The following PPIG variants were observed in gnomAD, a reference collection of about 807,000 sequenced individuals.
The protein encoded by PPIG is peptidyl-prolyl cis-trans isomerase G.
A neutral mutation model predicts 87.9 loss-of-function variants in PPIG; 26 were observed. That is an observed-to-expected ratio of 0.30 (90% CI 0.22 to 0.41). PPIG has a LOEUF of 0.41. Ranked by LOEUF, PPIG falls within the 10% of genes least tolerant of loss-of-function variation. PPIG has a pLI of 1.00. For missense variants in PPIG, 722 were observed against 879.4 expected (o/e 0.82, Z 2.26); for synonymous variants, 308 against 276.5 (o/e 1.11, Z -1.13).
intron 7 of PPIG, among the ~76,000 whole-genome samples, chr2:169,609,176 C>T (rs1246469598): frequency 1.3e-5 from 2 of 151,454 alleles, no homozygotes; most frequent in Admixed American, 6.6e-5. Flanking sequence ...CTATGAGGGA[C>T]GGAATTGTTG....
intron 9 of PPIG, among the ~76,000 whole-genome samples, chr2:169,618,570 G>A (rs1289733434): frequency 6.6e-6 from 1 of 152,132 alleles, no homozygotes; most frequent in African/African-American, 2.4e-5. Flanking sequence ...CTTCTTCCTG[G>A]TTTAGTCTTG....
intron 9 of PPIG, among the ~76,000 whole-genome samples, chr2:169,627,297 A>T (rs549969751): frequency 2.6e-5 from 4 of 152,172 alleles, no homozygotes; most frequent in African/African-American, 9.6e-5. Flanking sequence ...CAGTTTTGCC[A>T]TGTTGGCCAG....
chr2:169,598,493 G>C (rs540751301), intron 1 of PPIG, among the ~76,000 whole-genome samples: 2 of 151,970 alleles, frequency 1.3e-5, no homozygotes, highest in African/African-American at 4.8e-5. Flanking sequence ...GGGTTTCACC[G>C]TGTTAGCCAG....
At position 169,614,735 on chromosome 2, in the gene PPIG, A is replaced by G. The variant is rs1167530567; in HGVS notation, c.547+11A>G. 1 of 1,591,628 alleles carries G rather than the reference A, an allele frequency of 6.3e-7. No homozygotes were observed. The highest frequency in any genetic ancestry group is 1.2e-5 in the South Asian group (1 of 86,192). ...TTCCCAAATCTAAAGGTAAAAAGGA[A>G]GTACATATTTCTGAGAATACTTACA... On this transcript the variant is annotated intron_variant, in intron 9 of 13. Coordinates refer to ENST00000260970, the MANE Select transcript of PPIG (RefSeq NM_004792.3).
intron 7 of PPIG, among the ~76,000 whole-genome samples, chr2:169,613,557 A>G (rs1685543527): frequency 6.6e-6 from 1 of 152,190 alleles, no homozygotes; most frequent in Non-Finnish European, 1.5e-5. Context: ...TTTTAAAAAT[A>G]ATTTCGTTTG....
rs79525229 is a variant in PPIG, at chr2:169,589,272, A to G, written c.-70+4782A>G. 8.8e-4 allele frequency among the ~76,000 whole-genome samples: 134 copies of G among 152,336 alleles called. 3 individuals carry two copies. In the East Asian group the frequency reaches 0.024, roughly 28 times the overall value. ...AGGGTGGTTTGTGTCCATCAGAAAC[A>G]TCAGTGGAAGGGACACTACATGAAA... On this transcript the variant is annotated intron_variant, in intron 1 of 13. Coordinates refer to ENST00000260970, the MANE Select transcript of PPIG (RefSeq NM_004792.3).
rs192487067 is a variant in PPIG, at chr2:169,640,765, C to T, written c.*3242C>T. ...AAAATTAATAAGCCCCCAGGAAGTA[C>T]AGCATTGACTGGCACAACTGCCCAT... is the stretch of plus-strand genomic sequence containing the variant. On this transcript the variant is annotated 3_prime_UTR_variant, in exon 14 of 14. Coordinates refer to ENST00000260970, the MANE Select transcript of PPIG (RefSeq NM_004792.3). 4 of 152,316 alleles carry T rather than the reference C, an allele frequency of 2.6e-5. No individual in the cohort carries two copies. The highest frequency in any genetic ancestry group is 2.6e-4 in the Admixed American group (4 of 15,290). The allele number at this position is 152,316 out of a possible 1,614,324, so 9.4% of individuals were successfully genotyped here.
In PPIG at chr2:169,604,067, G is replaced by A. The variant is rs1253645147; in HGVS notation, c.26G>A (p.Arg9Gln). 2.1e-5 allele frequency: 34 copies of A among 1,613,708 alleles called. No individual in the cohort carries two copies. The highest frequency in any genetic ancestry group is 2.5e-5 in the Non-Finnish European group (30 of 1,179,840). Reference sequence around the variant, plus strand: ...ATGGGAATAAAGGTTCAACGTCCTCGATGTTTTTTTGACATTGCCATTAAC... The same window carrying A: ...ATGGGAATAAAGGTTCAACGTCCTCAATGTTTTTTTGACATTGCCATTAAC... MGIKVQRP[R>Q]CFFDIAINNQ... The change falls in exon 3 of 14, where the codon CGA becomes CAA. Residue 9 changes from arginine (R) to glutamine (Q), a missense_variant. Physicochemically the swap from Arg to Gln is conservative, Grantham distance 43. Around this residue, in one of 4 missense-constraint regions of PPIG, gnomAD observed 99 missense variants for 215.8 expected, o/e 0.46. Transcript: ENST00000260970.
intron 12 of PPIG, chr2:169,633,602 C>T: frequency 3.3e-6 from 1 of 302,512 alleles, no homozygotes; most frequent in Non-Finnish European, 5.9e-6. Flanking sequence ...GTGTCCTCAT[C>T]AGAATTTAAA....
Position 169,606,077 on chromosome 2 carries a change from C to T in PPIG, c.175C>T (p.His59Tyr). ...CGGGAAATCAACTCAGAAACCATTA[C>T]ATTATAAGAGTTGTCTCTTTCACAG... The part of the protein sequence containing the change: ...GTGKSTQKPL[H>Y]YKSCLFHRVV... Residue 59 changes from histidine to tyrosine, a missense_variant, in exon 5 of 14, where the codon CAT (histidine) becomes TAT (tyrosine). By Grantham distance (83) the His-to-Tyr change is moderately conservative. Coordinates refer to ENST00000260970, the MANE Select transcript of PPIG (RefSeq NM_004792.3). 6.2e-7 allele frequency: 1 copy of T among 1,613,220 alleles called. No individual in the cohort carries two copies. Among genetic ancestry groups the T allele is most frequent in the Non-Finnish European group, 8.5e-7 (1 of 1,179,290 alleles).
chr2:169,612,688 C>T (rs954814904), intron 7 of PPIG, among the ~76,000 whole-genome samples: 1 of 152,044 alleles, frequency 6.6e-6, no homozygotes, highest in African/African-American at 2.4e-5. Context: ...GGCATGAAGT[C>T]CATTTTTTAT....
At chr2:169,598,413 C>G (rs1268429664) in intron 1 of PPIG, among the ~76,000 whole-genome samples, 1 of 152,152 alleles carries the variant, frequency 6.6e-6, no homozygotes, top group Non-Finnish European at 1.5e-5. Context: ...GCCTCAGCCT[C>G]CTGAGTAGCT....
chr2:169,633,746 T>C (rs1686116281), intron 12 of PPIG, among the ~76,000 whole-genome samples: 1 of 152,154 alleles, frequency 6.6e-6, no homozygotes, highest in Non-Finnish European at 1.5e-5. Context: ...ACTTGATACA[T>C]AATCAGCTCC....
rs752854308 is a variant in PPIG, at chr2:169,637,491, A to G, written c.2233A>G (p.Ser745Gly). The change falls in exon 14 of 14, where the codon AGC becomes GGC. Residue 745 changes from serine to glycine, a missense_variant. By Grantham distance (56) the Ser-to-Gly change is moderately conservative. Transcript: ENST00000260970. ...EKNKKFDHESSPGTDEDKSG is the reference protein window; with the variant it reads ...EKNKKFDHESGPGTDEDKSG ...AAATAAAAAATTTGATCATGAATCA[A>G]GCCCTGGAACAGATGAAGACAAAAG... 5.0e-6 allele frequency: 8 copies of G among 1,602,616 alleles called. No homozygotes were observed. The highest frequency in any genetic ancestry group is 6.8e-6 in the Non-Finnish European group (8 of 1,177,410).
At chr2:169,626,797 C>A (rs2105513640) in intron 9 of PPIG, among the ~76,000 whole-genome samples, 1 of 152,236 alleles carries the variant, frequency 6.6e-6, no homozygotes, top group Admixed American at 6.5e-5. Context: ...GCAACCTCTG[C>A]CTCCTAGGTT....
intron 9 of PPIG, among the ~76,000 whole-genome samples, chr2:169,627,968 C>T (rs1031668267): frequency 6.6e-5 from 10 of 151,622 alleles, no homozygotes; most frequent in Non-Finnish European, 1.0e-4. Flanking sequence ...GTTAGATTTC[C>T]TTAAAATTTG....
At chr2:169,632,801 T>C (rs1483666174) in intron 11 of PPIG, among the ~76,000 whole-genome samples, 2 of 151,640 alleles carry the variant, frequency 1.3e-5, no homozygotes, top group African/African-American at 2.4e-5. Context: ...AATATTGAAA[T>C]ATTTTTCTTA....
At chr2:169,619,163 A>G (rs1388109743) in intron 9 of PPIG, among the ~76,000 whole-genome samples, 2 of 152,256 alleles carry the variant, frequency 1.3e-5, no homozygotes, top group Admixed American at 6.5e-5. Context: ...TTCAGTTTCC[A>G]TGTAATTGTG....
At chr2:169,607,922 C>T (rs1484500676) in intron 6 of PPIG, among the ~76,000 whole-genome samples, 1 of 152,084 alleles carries the variant, frequency 6.6e-6, no homozygotes, top group Non-Finnish European at 1.5e-5. Context: ...AGTGGCTTTT[C>T]ATGGGTGTGA....
Sources: gnomAD v4.1 joint callset for allele counts (sites outside exome capture counted in the v4.1 genomes callset) on GRCh38, gnomAD v4.1.1 for gene constraint, gnomAD v4.1.1 regional missense constraint, MANE v1.5 for transcripts, NCBI Gene and HGNC (gene_info 2026-07-23, HGNC 2026-07-21) for gene names.